Variants in ST7 observed in about 807,000 individuals in gnomAD.
ST7 encodes suppressor of tumorigenicity 7 protein.
Under a neutral mutation model 78.7 loss-of-function variants are expected in ST7, and 28 were observed. The observed-to-expected ratio is 0.36, with a 90% CI of 0.26 to 0.49. ST7 has a LOEUF of 0.49. Among genes scored for constraint, ST7 ranks in the 20% least tolerant of loss-of-function variants. The probability of loss-of-function intolerance (pLI) is 0.99; values close to 1 mark genes in which losing one functional copy is unlikely to be tolerated. For missense variants in ST7, 418 were observed against 696.0 expected, an observed-to-expected ratio of 0.60 and a Z score of 4.49; for synonymous variants, 247 against 249.6, an observed-to-expected ratio of 0.99 and a Z score of 0.10.
intron 9 of ST7, among the ~76,000 whole-genome samples, chr7:117,168,150 T>C (rs188493334): frequency 1.1e-4 from 17 of 152,352 alleles, no homozygotes; most frequent in African/African-American, 3.8e-4. Context: ...AAAATCCTTT[T>C]ATTGGTGATT....
At position 117,013,164 on chromosome 7, in the gene ST7, T is replaced by G. The variant is rs374561418; in HGVS notation, c.151+59473T>G. Among the ~76,000 whole-genome samples the G allele has an allele frequency of 3.3e-4, 50 of 152,352 alleles. No individual in the cohort carries two copies. In the East Asian group the frequency reaches 6.9e-3, roughly 21 times the overall value. On this transcript the variant is annotated intron_variant, in intron 1 of 15. Transcript: ENST00000323984. ...TCCAGGTGATATTTGATAATGGCAG[T>G]CAGCGTTTCCACACACTTGTAAGTT...
rs115786557 is a variant in ST7, at chr7:117,152,949, C to T, written c.963+14417C>T. 6.9e-3 allele frequency among the ~76,000 whole-genome samples: 1,051 copies of T among 152,118 alleles called. 11 individuals carry two copies. The highest frequency in any genetic ancestry group is 0.022 in the African/African-American group (918 of 41,490). ...TGTTTCAACCTTGCCTTCTATTTTTCGGTAATGGAGAGACACAGTTCAAAT... is the reference window on the plus strand; with the variant it reads ...TGTTTCAACCTTGCCTTCTATTTTTTGGTAATGGAGAGACACAGTTCAAAT... On this transcript the variant is annotated intron_variant, in intron 9 of 15. Coordinates refer to ENST00000323984, the MANE Select transcript of ST7 (RefSeq NM_001369598.1).
chr7:116,978,630 G>T (rs545346908), intron 1 of ST7, among the ~76,000 whole-genome samples: 1 of 152,234 alleles, frequency 6.6e-6, no homozygotes, highest in Admixed American at 6.5e-5. Flanking sequence ...CTGTTGCCCA[G>T]ACTGGAGTGC....
In ST7 at chr7:117,190,846, G is replaced by A; in HGVS notation, c.1164G>A (p.Glu388=). The change falls in exon 12 of 16, where the codon GAG becomes GAA. Residue 388 remains glutamate (E), a synonymous_variant. Coordinates refer to ENST00000323984, the MANE Select transcript of ST7 (RefSeq NM_001369598.1). The surrounding 1 kb of genome is among the most constrained non-coding windows in gnomAD (Gnocchi z 5.2). ...ARAVSDKFSP[E]AASRRGLSTA... is the part of the protein sequence containing the mutation. ...TTCTGCTTTTCAGATTCTCTCCTGA[G>A]GCTGCATCTCGGCGGGGGCTGAGCA... 6.2e-7 allele frequency: 1 copy of A among 1,613,966 alleles called. No homozygotes were observed. The highest frequency in any genetic ancestry group is 8.5e-7 in the Non-Finnish European group (1 of 1,179,968).
intron 3 of ST7, among the ~76,000 whole-genome samples, chr7:117,121,639 T>G (rs1025773038): frequency 1.3e-5 from 2 of 152,172 alleles, no homozygotes; most frequent in African/African-American, 4.8e-5. Context: ...GGCAAACTAC[T>G]TTTCCCAGCT....
intron 1 of ST7, among the ~76,000 whole-genome samples, chr7:117,097,904 A>ATTTTTTT (rs1171743827): frequency 3.0e-5 from 1 of 33,720 alleles, no homozygotes; most frequent in African/African-American, 9.7e-5. Context: ...ATATATATAT[A>ATTTTTTT]TATATTTTTT....
rs1405147145 is a variant in ST7, at chr7:117,212,691, G to A, written c.1405+2754G>A. Among the ~76,000 whole-genome samples the A allele has an allele frequency of 2.0e-5, 3 of 152,190 alleles. No individual in the cohort carries two copies. In the South Asian group the frequency reaches 6.2e-4, roughly 32 times the overall value. On this transcript the variant is annotated intron_variant, in intron 13 of 15. Transcript: ENST00000323984. ...ATTACCACTCAATTGTGGATTTTAA[G>A]TAATTTCTTTTTTCTTCATATTTCT...
At chr7:117,068,229 C>CT (rs1446466736) in intron 1 of ST7, among the ~76,000 whole-genome samples, 4 of 150,998 alleles carry the variant, frequency 2.6e-5, no homozygotes, top group East Asian at 1.9e-4. Context: ...ATATATTTTT[C>CT]TTTTTTTTTC....
At chr7:117,080,842 A>G (rs1169028239) in intron 1 of ST7, 1 of 152,184 alleles carries the variant, frequency 6.6e-6, no homozygotes, top group Non-Finnish European at 1.5e-5. Context: ...GAGGAAGCCT[A>G]TTGTGCATAT....
intron 1 of ST7, chr7:117,073,211 T>TGTG (rs1334766347): frequency 6.6e-6 from 1 of 152,098 alleles, no homozygotes; most frequent in Non-Finnish European, 1.5e-5. Flanking sequence ...AATAGACTAT[T>TGTG]TAACCACATC....
At chr7:117,161,083 C>G (rs2117212339) in intron 9 of ST7, among the ~76,000 whole-genome samples, 1 of 149,696 alleles carries the variant, frequency 6.7e-6, no homozygotes, top group Non-Finnish European at 1.5e-5. Flanking sequence ...AAATATTGTT[C>G]AATCAAGGAC....
At chr7:117,152,087 C>A (rs1806289542) in intron 9 of ST7, among the ~76,000 whole-genome samples, 1 of 147,588 alleles carries the variant, frequency 6.8e-6, no homozygotes, top group South Asian at 2.1e-4. Context: ...CCATTGCACT[C>A]CAGCCTGGGT....
chr7:117,088,401 A>T (rs1800322834), intron 1 of ST7, among the ~76,000 whole-genome samples: 1 of 152,236 alleles, frequency 6.6e-6, no homozygotes, highest in Admixed American at 6.5e-5. Flanking sequence ...TATTTTAGAT[A>T]TTAATAAATG....
Position 117,229,847 on chromosome 7 carries a change from C to G in ST7, c.1724C>G (p.Thr575Arg), listed in dbSNP as rs1263941356. The stretch of plus-strand genomic sequence containing the variant: ...CCATCCAGTCTGTGGCACCAGCTAA[C>G]ACGGATCTGAGAGAAGCCCTGTCCT... ...ILPSSLWHQL[T>R]RI The change falls in exon 16 of 16, where the codon ACA (threonine) becomes AGA (arginine). Residue 575 changes from threonine (T) to arginine (R), a missense_variant. Thr to Arg is a moderately conservative substitution (Grantham distance 71). Coordinates refer to ENST00000323984, the MANE Select transcript of ST7 (RefSeq NM_001369598.1). 2 of 1,614,098 alleles carry G rather than the reference C, an allele frequency of 1.2e-6. No individual in the cohort carries two copies. The highest frequency in any genetic ancestry group is 1.7e-6 in the Non-Finnish European group (2 of 1,179,954).
At chr7:117,077,836 ATTTC>A (rs1329266823) in intron 1 of ST7, among the ~76,000 whole-genome samples, 5 of 132,692 alleles carry the variant, frequency 3.8e-5, no homozygotes, top group Non-Finnish European at 8.1e-5. Flanking sequence ...AGAGGTATTG[ATTTC>A]TTTCTTTTTT....
chr7:116,961,866 A>G (rs1379982973), intron 1 of ST7, among the ~76,000 whole-genome samples: 3 of 151,482 alleles, frequency 2.0e-5, no homozygotes, highest in South Asian at 2.1e-4. Flanking sequence ...TGCTGCACCT[A>G]TCAACCCGTC....
intron 12 of ST7, among the ~76,000 whole-genome samples, chr7:117,209,229 G>A (rs1792082027): frequency 6.6e-6 from 1 of 151,984 alleles, no homozygotes; most frequent in African/African-American, 2.4e-5. Flanking sequence ...CACAGTTTGG[G>A]GTCTATAATG....
chr7:117,220,645 G>A (rs1043114912), intron 14 of ST7, among the ~76,000 whole-genome samples: 4 of 152,218 alleles, frequency 2.6e-5, no homozygotes, highest in South Asian at 2.1e-4. Context: ...ATTGAATGCA[G>A]TGCTCCAAGT....
chr7:117,005,398 C>T (rs1584432148), intron 1 of ST7, among the ~76,000 whole-genome samples: 1 of 152,190 alleles, frequency 6.6e-6, no homozygotes, highest in Non-Finnish European at 1.5e-5. Context: ...TTTCAGTCCA[C>T]TTCACTTACA....
Sources: gnomAD v4.1 joint callset for allele counts (sites outside exome capture counted in the v4.1 genomes callset) on GRCh38, gnomAD v4.1.1 for gene constraint, Gnocchi (gnomAD v3.1) non-coding constraint, MANE v1.5 for transcripts, NCBI Gene and HGNC (gene_info 2026-07-23, HGNC 2026-07-21) for gene names.